Variants in RBM33 observed in about 807,000 individuals in gnomAD.
RBM33 encodes RNA binding motif protein 33.
RBM33 carries 28 observed loss-of-function variants against 132.6 expected under a neutral mutation model. The ratio of observed to expected loss-of-function variants is 0.21; its 90% CI spans 0.16 to 0.29. The LOEUF (loss-of-function observed/expected upper bound fraction) is 0.29. Among genes scored for constraint, RBM33 ranks in the 10% least tolerant of loss-of-function variants. RBM33 has a pLI of 1.00. For missense variants in RBM33, 1,291 were observed against 1,518.5 expected, an observed-to-expected ratio of 0.85 and a Z score of 2.49; for synonymous variants, 634 against 593.0, an observed-to-expected ratio of 1.07 and a Z score of -1.01.
chr7:155,700,998 A>G (rs757771209), intron 6 of RBM33, 54 bp downstream of exon 6: 12 of 1,417,864 alleles, frequency 8.5e-6, no homozygotes, highest in South Asian at 6.0e-5. Context: ...AACTTCCTCC[A>G]TAGTATTGCT....
At chr7:155,768,201 C>T (rs1274097849) in intron 16 of RBM33, among the ~76,000 whole-genome samples, 1 of 152,172 alleles carries the variant, frequency 6.6e-6, no homozygotes, top group Non-Finnish European at 1.5e-5. Context: ...TGAGTGTGAT[C>T]GAGTTGTCAA....
At chr7:155,747,990 T>C (rs1801571129) in intron 14 of RBM33, among the ~76,000 whole-genome samples, 1 of 152,250 alleles carries the variant, frequency 6.6e-6, no homozygotes, top group Non-Finnish European at 1.5e-5. Context: ...TGTTCCTGGC[T>C]GCTGGAGAGG....
At chr7:155,766,874 A>T (rs981955167) in intron 16 of RBM33, 7 of 576,230 alleles carry the variant, frequency 1.2e-5, no homozygotes, top group Non-Finnish European at 2.1e-5. Context: ...ATTTTAAGAA[A>T]TAAATACCCC....
intron 5 of RBM33, among the ~76,000 whole-genome samples, chr7:155,688,809 A>G (rs938990161): frequency 1.1e-4 from 16 of 152,220 alleles, no homozygotes; most frequent in Non-Finnish European, 1.6e-4. Context: ...TCAGCCTTGC[A>G]TCCCAGAGAT....
At chr7:155,690,403 G>A (rs1262504225) in intron 5 of RBM33, among the ~76,000 whole-genome samples, 1 of 152,000 alleles carries the variant, frequency 6.6e-6, no homozygotes, top group Admixed American at 6.6e-5. Context: ...AGCACAGTGA[G>A]GGGTCTTGAC....
In RBM33 at chr7:155,673,438, G is replaced by A. The variant is rs917608945; in HGVS notation, c.171+523G>A. Among the ~76,000 whole-genome samples, 19 of 140,694 alleles carry A rather than the reference G, an allele frequency of 1.4e-4. No individual in the cohort carries two copies. In the East Asian group the frequency reaches 1.7e-3, roughly 12 times the overall value. 92.3% of individuals were successfully genotyped at this position (140,694 alleles called of 152,430 possible). A position where few individuals can be genotyped will look rare whatever the true frequency, so the allele number is the denominator to read the frequency against. ...TGTGTGTGTGTGTGTGTGTGTGTGT[G>A]TGTATGTGTATATATACCCACATAT... is the stretch of plus-strand genomic sequence containing the variant. On this transcript the variant is annotated intron_variant, in intron 3 of 17. Coordinates refer to ENST00000401878, the MANE Select transcript of RBM33 (RefSeq NM_053043.3).
intron 5 of RBM33, among the ~76,000 whole-genome samples, chr7:155,689,401 T>G (rs1799569397): frequency 2.6e-5 from 4 of 152,236 alleles, no homozygotes; most frequent in African/African-American, 9.6e-5. Context: ...CTATCAATTT[T>G]GTTGATCTTT....
chr7:155,712,830 T>G (rs1800346012), intron 8 of RBM33, among the ~76,000 whole-genome samples: 1 of 152,330 alleles, frequency 6.6e-6, no homozygotes, highest in Non-Finnish European at 1.5e-5. Context: ...TTCTCAGGAC[T>G]TTGGCAGGGA....
chr7:155,669,680 G>C (rs1213057910), intron 2 of RBM33, among the ~76,000 whole-genome samples: 1 of 152,146 alleles, frequency 6.6e-6, no homozygotes, highest in African/African-American at 2.4e-5. Flanking sequence ...GAAATTTAAT[G>C]ACGGGTCTAT....
rs372488564 is a variant in RBM33, at chr7:155,745,104, C to T, written c.2481C>T (p.Leu827=). The T allele has an allele frequency of 1.4e-5, 23 of 1,598,380 alleles. No homozygotes were observed. Among genetic ancestry groups the T allele is most frequent in the Middle Eastern group, 1.7e-4 (1 of 6,052 alleles). The change falls in exon 14 of 18, where the codon CTC becomes CTT. Residue 827 remains leucine, a synonymous_variant. Coordinates refer to ENST00000401878, the MANE Select transcript of RBM33 (RefSeq NM_053043.3). The surrounding 1 kb of genome is among the most constrained non-coding windows in gnomAD (Gnocchi z 4.1). ...GARKKELLER[L]AQQQQQLYAP... ...GGAAGAAGGAGCTGCTGGAGAGACT[C>T]GCGCAGCAACAGCAGCAGCTGTACG...
chr7:155,773,958 C>T (rs759504510), intron 16 of RBM33, among the ~76,000 whole-genome samples: 2 of 152,168 alleles, frequency 1.3e-5, no homozygotes, highest in African/African-American at 4.8e-5. Flanking sequence ...CAGTGGGTGG[C>T]GACTTCATTT....
At position 155,668,049 on chromosome 7, in the gene RBM33, T is replaced by C. The variant is rs577557992; in HGVS notation, c.122+2796T>C. On this transcript the variant is annotated intron_variant, in intron 2 of 17. Coordinates refer to ENST00000401878, the MANE Select transcript of RBM33 (RefSeq NM_053043.3). ...CGGTTTAAAATATAGCCACAATAGT[T>C]ACTATATCTAAAAAAATTCCTTATT... Among the ~76,000 whole-genome samples, 10 of 152,324 alleles carry C rather than the reference T, an allele frequency of 6.6e-5. No individual in the cohort carries two copies. The East Asian group carries it at 1.9e-3, about 29-fold the overall frequency.
chr7:155,707,800 G>A (rs1386948497), intron 7 of RBM33, among the ~76,000 whole-genome samples: 2 of 152,152 alleles, frequency 1.3e-5, no homozygotes, highest in African/African-American at 2.4e-5. Flanking sequence ...GGGATTACAG[G>A]CACTTACCAC....
At chr7:155,652,853 C>A (rs1038866381) in intron 1 of RBM33, among the ~76,000 whole-genome samples, 1 of 152,064 alleles carries the variant, frequency 6.6e-6, no homozygotes. Context: ...CTGCTATGAA[C>A]TGGAACTTTA....
At chr7:155,689,342 G>A (rs113394344) in intron 5 of RBM33, among the ~76,000 whole-genome samples, 28 of 152,106 alleles carry the variant, frequency 1.8e-4, no homozygotes, top group African/African-American at 3.9e-4. Context: ...TTTTTATTGC[G>A]TCTATTTGAT....
At chr7:155,673,953 T>TTG (rs1799099398) in intron 3 of RBM33, among the ~76,000 whole-genome samples, 2 of 110,166 alleles carry the variant, frequency 1.8e-5, no homozygotes, top group African/African-American at 8.2e-5. Flanking sequence ...TTTTTTTTTT[T>TTG]TTTTTTTTTT....
At chr7:155,764,796 G>A (rs28731268) in intron 15 of RBM33, among the ~76,000 whole-genome samples, 26,957 of 152,258 alleles carry the variant, frequency 0.18, 2,433 homozygotes, top group East Asian at 0.28. Flanking sequence ...AAGTCTGCCC[G>A]CTCATTCTCC....
intron 5 of RBM33, among the ~76,000 whole-genome samples, chr7:155,685,915 C>T (rs1799464318): frequency 6.6e-6 from 1 of 152,176 alleles, no homozygotes; most frequent in Non-Finnish European, 1.5e-5. Context: ...GTCCAGAAAA[C>T]ATTTACTTTA....
intron 1 of RBM33, among the ~76,000 whole-genome samples, chr7:155,659,381 G>A (rs1798578600): frequency 6.6e-6 from 1 of 152,104 alleles, no homozygotes; most frequent in Non-Finnish European, 1.5e-5. Context: ...AATGATATAT[G>A]AAGAAGTAGA....
Sources: gnomAD v4.1 joint callset for allele counts (sites outside exome capture counted in the v4.1 genomes callset) on GRCh38, gnomAD v4.1.1 for gene constraint, Gnocchi (gnomAD v3.1) non-coding constraint, MANE v1.5 for transcripts, NCBI Gene and HGNC (gene_info 2026-07-23, HGNC 2026-07-21) for gene names.